LPCAT3: variants seen among roughly 807,000 people sequenced by gnomAD.
The protein encoded by LPCAT3 is lysophospholipid acyltransferase 5.
A neutral mutation model predicts 63.4 loss-of-function variants in LPCAT3; 21 were observed. The ratio of observed to expected loss-of-function variants is 0.33; its 90% CI spans 0.23 to 0.48. The LOEUF (loss-of-function observed/expected upper bound fraction) is 0.48. LPCAT3 is among the 20% of genes least tolerant of loss of function. The pLI, the probability that LPCAT3 is intolerant of heterozygous loss-of-function variation, is 0.99. For synonymous variants in LPCAT3, 242 were observed against 227.5 expected (o/e 1.06, Z -0.58); for missense variants, 451 against 590.6 (o/e 0.76, Z 2.45).
At chr12:7,015,031 C>T (rs1946788847) in intron 1 of LPCAT3, among the ~76,000 whole-genome samples, 1 of 151,922 alleles carries the variant, frequency 6.6e-6, no homozygotes. Flanking sequence ...GTTTCAAATA[C>T]GTGTATACAC....
intron 1 of LPCAT3, among the ~76,000 whole-genome samples, chr12:6,993,273 A>G (rs1438479902): frequency 1.3e-5 from 2 of 152,020 alleles, no homozygotes; most frequent in Admixed American, 6.6e-5. Context: ...CCCTGTCTCT[A>G]CTAACAAAAA....
chr12:7,013,615 G>C lies in LPCAT3; in HGVS notation c.151+4659C>G, dbSNP rs782484287. 7.9e-5 allele frequency among the ~76,000 whole-genome samples: 12 copies of C among 152,260 alleles called. No individual in the cohort carries two copies. The South Asian group carries it at 2.3e-3, about 29-fold the overall frequency. On this transcript the variant is annotated intron_variant, in intron 1 of 12. Transcript: ENST00000261407. ...AACAAAGCTGATTCTTGGGTTTCAG[G>C]CATGAGCAGCTGTGTAGATGACTGT... is the stretch of plus-strand genomic sequence containing the variant.
Position 6,977,560 on chromosome 12 carries a change from C to G in LPCAT3, c.1189-35G>C, listed in dbSNP as rs1555153444. The G allele has an allele frequency of 3.7e-6, 6 of 1,614,094 alleles. No homozygotes were observed. The Admixed American group carries it at 1.0e-4, about 27-fold the overall frequency. On this transcript the variant is annotated intron_variant, in intron 10 of 12. Coordinates refer to ENST00000261407, the MANE Select transcript of LPCAT3 (RefSeq NM_005768.6). The surrounding 1 kb of genome is among the most constrained non-coding windows in gnomAD (Gnocchi z 4.5). The stretch of plus-strand genomic sequence containing the variant: ...GAGGAGGAGCTCATCAGCATCTTGT[C>G]CCTTATATTCCCCTTCACCCCCACC...
rs1555157805 is a variant in LPCAT3, at chr12:7,018,418, A to G, written c.7T>C (p.Ser3Pro). 1 of 1,604,522 alleles carries G rather than the reference A, an allele frequency of 6.2e-7. No homozygotes were observed. Among genetic ancestry groups the G allele is most frequent in the South Asian group, 1.1e-5 (1 of 89,782 alleles). Residue 3 changes from serine to proline, a missense_variant, in exon 1 of 13, where the codon TCC (serine) becomes CCC (proline). By Grantham distance (74) the Ser-to-Pro change is moderately conservative. This residue lies in a region of LPCAT3 where 133 missense variants were observed against 152.1 expected (regional missense o/e 0.87). Coordinates refer to ENST00000261407, the MANE Select transcript of LPCAT3 (RefSeq NM_005768.6). This position sits in a 1 kb window ranked among gnomAD's most constrained non-coding sequence, Gnocchi z 4.9. MA[S>P]SAEGDEGTVV... Reference sequence around the variant, plus strand: ...GTCCCCTCGTCCCCCTCCGCTGAGGACGCCATCTTAACTCCGGGAGCCCCA... The same window carrying G: ...GTCCCCTCGTCCCCCTCCGCTGAGGGCGCCATCTTAACTCCGGGAGCCCCA...
intron 1 of LPCAT3, among the ~76,000 whole-genome samples, chr12:7,016,258 C>T (rs1946796903): frequency 6.6e-6 from 1 of 151,560 alleles, no homozygotes; most frequent in Admixed American, 6.6e-5. Context: ...GCCACCACGC[C>T]CAGCTCATTT....
At chr12:7,010,109 C>A (rs148181748) in intron 1 of LPCAT3, among the ~76,000 whole-genome samples, 28 of 152,312 alleles carry the variant, frequency 1.8e-4, no homozygotes, top group Non-Finnish European at 2.9e-4. Context: ...ATGTTACTAC[C>A]TTACTCTGTC....
chr12:6,991,228 C>T (rs1420931301), intron 1 of LPCAT3, among the ~76,000 whole-genome samples: 3 of 152,132 alleles, frequency 2.0e-5, no homozygotes, highest in African/African-American at 4.8e-5. Flanking sequence ...CAAAGAAAAT[C>T]TGGCTTTACA....
intron 1 of LPCAT3, among the ~76,000 whole-genome samples, chr12:7,008,816 G>A (rs781792780): frequency 5.3e-5 from 8 of 151,786 alleles, no homozygotes; most frequent in Non-Finnish European, 1.0e-4. Context: ...TGAAACAGAT[G>A]GTGTATGTGA....
chr12:7,000,173 G>A (rs1202890620), intron 1 of LPCAT3, among the ~76,000 whole-genome samples: 1 of 151,916 alleles, frequency 6.6e-6, no homozygotes, highest in Non-Finnish European at 1.5e-5. Context: ...GCCCGCCTCA[G>A]ACTCCCAAAG....
intron 1 of LPCAT3, chr12:6,997,408 T>C: frequency 6.5e-6 from 1 of 153,100 alleles, no homozygotes; most frequent in Non-Finnish European, 1.4e-5. Flanking sequence ...TGTGTGTGTG[T>C]GTGTGTGTGT....
chr12:6,981,702 T>C (rs1555154107), intron 4 of LPCAT3, 70 bp from the exon 5 acceptor site: 2 of 1,239,688 alleles, frequency 1.6e-6, no homozygotes, highest in Non-Finnish European at 2.2e-6. Flanking sequence ...GTAGACTGAG[T>C]GCAGCCAGAA....
At chr12:6,999,198 T>C (rs1946664645) in intron 1 of LPCAT3, among the ~76,000 whole-genome samples, 2 of 152,222 alleles carry the variant, frequency 1.3e-5, no homozygotes, top group Non-Finnish European at 2.9e-5. Context: ...GTGTACTTTC[T>C]TTGTTAATCT....
chr12:6,993,396 T>C (rs1454358842), intron 1 of LPCAT3, among the ~76,000 whole-genome samples: 1 of 151,102 alleles, frequency 6.6e-6, no homozygotes, highest in Non-Finnish European at 1.5e-5. Flanking sequence ...ATTGCGCCAC[T>C]GCACTCCAGC....
chr12:7,010,523 C>A (rs1555157142), intron 1 of LPCAT3, among the ~76,000 whole-genome samples: 1 of 152,168 alleles, frequency 6.6e-6, no homozygotes, highest in Non-Finnish European at 1.5e-5. Context: ...CTGGTGCATC[C>A]TCTCACTTCA....
intron 1 of LPCAT3, among the ~76,000 whole-genome samples, chr12:6,995,449 G>A (rs1658281207): frequency 6.6e-6 from 1 of 151,594 alleles, no homozygotes; most frequent in Admixed American, 6.6e-5. Context: ...ACTCCAGCCT[G>A]GGCAACAGAG....
chr12:6,989,523 C>T (rs1555155217), intron 1 of LPCAT3, among the ~76,000 whole-genome samples: 1 of 152,018 alleles, frequency 6.6e-6, no homozygotes, highest in Non-Finnish European at 1.5e-5. Flanking sequence ...TGGTCTCGAT[C>T]TCCTGACCTC....
chr12:6,985,595 A>G (rs218747), intron 1 of LPCAT3, among the ~76,000 whole-genome samples: 4 of 141,548 alleles, frequency 2.8e-5, no homozygotes, highest in South Asian at 2.3e-4. Context: ...GGTGCCTGTA[A>G]TCCCAGCTAC....
At chr12:6,984,730 G>C (rs1946504310) in intron 1 of LPCAT3, among the ~76,000 whole-genome samples, 1 of 152,112 alleles carries the variant, frequency 6.6e-6, no homozygotes, top group Non-Finnish European at 1.5e-5. Flanking sequence ...GGGACCACAG[G>C]TGCTTGCCAC....
chr12:7,017,358 T>TA lies in LPCAT3; in HGVS notation c.151+915_151+916insT, dbSNP rs1170484928. On this transcript the variant is annotated intron_variant, in intron 1 of 12. Transcript: ENST00000261407. The surrounding 1 kb of genome is among the most constrained non-coding windows in gnomAD (Gnocchi z 4.1). ...TCCTATGTGGTAGGCACTGTTGTCC[T>TA]CATTTCATAGATAAGGAAATTAGGC... is the stretch of plus-strand genomic sequence containing the variant. Among the ~76,000 whole-genome samples, 6 of 152,232 alleles carry TA rather than the reference T, an allele frequency of 3.9e-5. No individual in the cohort carries two copies. The highest frequency in any genetic ancestry group is 7.3e-5 in the Non-Finnish European group (5 of 68,042).
Sources: gnomAD v4.1 joint callset for allele counts (sites outside exome capture counted in the v4.1 genomes callset) on GRCh38, gnomAD v4.1.1 for gene constraint, gnomAD v4.1.1 regional missense constraint, Gnocchi (gnomAD v3.1) non-coding constraint, MANE v1.5 for transcripts, NCBI Gene and HGNC (gene_info 2026-07-23, HGNC 2026-07-21) for gene names.